Variants in WDFY4 observed in about 807,000 individuals in gnomAD.
WDFY4 encodes WD repeat- and FYVE domain-containing protein 4.
In WDFY4, 169 loss-of-function variants were observed where a neutral mutation model predicts 351.9. The ratio of observed to expected loss-of-function variants is 0.48; its 90% CI spans 0.42 to 0.55. The LOEUF (loss-of-function observed/expected upper bound fraction) is 0.55. Ranked by LOEUF, WDFY4 falls within the 20% of genes least tolerant of loss-of-function variation. WDFY4 has a pLI of 0.00. For missense variants in WDFY4, 3,803 were observed against 3,935.6 expected, an observed-to-expected ratio of 0.97 and a Z score of 0.90; for synonymous variants, 1,622 against 1,574.6, an observed-to-expected ratio of 1.03 and a Z score of -0.71.
At chr10:48,830,629 C>T in intron 37 of WDFY4, 71 bp from the exon 38 acceptor site, 1 of 1,483,750 alleles carries the variant, frequency 6.7e-7, no homozygotes, top group Non-Finnish European at 9.1e-7. Context: ...ACTCATGATG[C>T]ACCATCTCCC....
rs117001447 is a variant in WDFY4 at position 48,707,186 on chromosome 10, T to C, written c.-17-2530T>C. 4.6e-5 allele frequency among the ~76,000 whole-genome samples: 7 copies of C among 152,296 alleles called. No individual in the cohort carries two copies. The East Asian group carries it at 7.7e-4, about 17-fold the overall frequency. ...GTAAAGGGATGCTCATACTCATTAG[T>C]AACTTAGAGAAATGCAAATTAAAAT... On this transcript the variant is annotated intron_variant, in intron 1 of 61. Transcript: ENST00000325239.
chr10:48,755,468 C>G (rs2065309948), intron 12 of WDFY4, among the ~76,000 whole-genome samples: 1 of 152,116 alleles, frequency 6.6e-6, no homozygotes. Context: ...AGATTTTCTC[C>G]TATGTTTTCT....
chr10:48,790,848 A>G lies in WDFY4; in HGVS notation c.4188A>G (p.Lys1396=). 6.4e-7 allele frequency: 1 copy of G among 1,551,758 alleles called. No individual in the cohort carries two copies. The highest frequency in any genetic ancestry group is 1.4e-5 in the African/African-American group (1 of 73,164). Residue 1396 remains lysine, a synonymous_variant, in exon 23 of 62, where the codon AAA becomes AAG. Transcript: ENST00000325239. The stretch of plus-strand genomic sequence containing the variant: ...ACCATACCATGTATGCGGCTGTGAA[A>G]GTTCTGCACTCGGTCCTGACCAGTA... ...TDDHTMYAAV[K]VLHSVLTSNA...
At chr10:48,796,053 G>C (rs1303181902) in intron 23 of WDFY4, among the ~76,000 whole-genome samples, 1 of 152,164 alleles carries the variant, frequency 6.6e-6, no homozygotes, top group Non-Finnish European at 1.5e-5. Context: ...AGGAAACCAG[G>C]AGAGAGTGGC....
chr10:48,885,847 C>T (rs948904667), intron 43 of WDFY4, among the ~76,000 whole-genome samples: 1 of 152,084 alleles, frequency 6.6e-6, no homozygotes, highest in African/African-American at 2.4e-5. Flanking sequence ...TGTCTAAATA[C>T]ATTTAAGATA....
intron 12 of WDFY4, chr10:48,745,643 G>A (rs1589508091): frequency 1.8e-6 from 1 of 563,914 alleles, no homozygotes; most frequent in Non-Finnish European, 3.3e-6. Context: ...TTCTGGTAGT[G>A]GGTCTCGGCC....
intron 39 of WDFY4, among the ~76,000 whole-genome samples, chr10:48,864,337 TA>T (rs950564193): frequency 5.9e-5 from 9 of 152,320 alleles, no homozygotes; most frequent in South Asian, 4.1e-4. Flanking sequence ...TTAAAAAGAC[TA>T]TTCGTTCCCC....
chr10:48,768,735 G>A (rs1395508288), intron 13 of WDFY4, among the ~76,000 whole-genome samples: 3 of 151,720 alleles, frequency 2.0e-5, no homozygotes, highest in African/African-American at 7.3e-5. Flanking sequence ...GAGAGAGAGA[G>A]AGAGAGAGAG....
intron 47 of WDFY4, chr10:48,909,340 C>T (rs562985538): frequency 6.6e-6 from 1 of 152,146 alleles, no homozygotes. Context: ...TACCTATGCA[C>T]CATTGAAAGA....
At chr10:48,818,219 G>T (rs2067689373) in intron 32 of WDFY4, among the ~76,000 whole-genome samples, 1 of 152,210 alleles carries the variant, frequency 6.6e-6, no homozygotes, top group African/African-American at 2.4e-5. Flanking sequence ...CCTGCAAGTT[G>T]CCAACTGTAG....
At chr10:48,830,178 G>A (rs1476158699) in intron 37 of WDFY4, among the ~76,000 whole-genome samples, 2 of 152,192 alleles carry the variant, frequency 1.3e-5, no homozygotes, top group Non-Finnish European at 2.9e-5. Flanking sequence ...AATTCCAGGG[G>A]ACTGAAATGG....
In WDFY4 at chr10:48,795,491, GTATATA is replaced by G. The variant is rs60705301; in HGVS notation, c.4258-780_4258-775del. ...TGGGATTTCATATATGTGTGTGTCT[GTATATA>G]TATATATATATATATATATATATAT... On this transcript the variant is annotated intron_variant, in intron 23 of 61. Transcript: ENST00000325239. Among the ~76,000 whole-genome samples, 164 of 101,162 alleles carry G rather than the reference GTATATA, an allele frequency of 1.6e-3. 1 individual carries two copies. Among genetic ancestry groups the G allele is most frequent in the Middle Eastern group, 9.5e-3 (2 of 210 alleles). 66.4% of individuals were successfully genotyped at this position (101,162 alleles called of 152,430 possible).
chr10:48,931,290 G>A (rs1380391498), intron 47 of WDFY4, among the ~76,000 whole-genome samples: 2 of 152,206 alleles, frequency 1.3e-5, no homozygotes, highest in Non-Finnish European at 2.9e-5. Context: ...GGTTGCCTGA[G>A]GCAGCCAGTG....
chr10:48,686,460 C>T (rs538324549), intron 1 of WDFY4, among the ~76,000 whole-genome samples: 1 of 152,278 alleles, frequency 6.6e-6, no homozygotes, highest in East Asian at 1.9e-4. Context: ...CCTCTTCATG[C>T]CCATCTTTCA....
intron 39 of WDFY4, among the ~76,000 whole-genome samples, chr10:48,857,718 T>C (rs2069185661): frequency 6.6e-6 from 1 of 152,242 alleles, no homozygotes; most frequent in African/African-American, 2.4e-5. Flanking sequence ...CTAAGGTCTT[T>C]ATATCTTCTT....
intron 44 of WDFY4, among the ~76,000 whole-genome samples, chr10:48,897,172 C>T (rs142836404): frequency 6.6e-6 from 1 of 152,352 alleles, no homozygotes; most frequent in East Asian, 1.9e-4. Context: ...CGTCATATTG[C>T]TGTCCCCTGG....
chr10:48,696,717 G>A (rs1213736903), intron 1 of WDFY4, among the ~76,000 whole-genome samples: 3 of 152,272 alleles, frequency 2.0e-5, no homozygotes, highest in Non-Finnish European at 1.5e-5. Flanking sequence ...CAAAGGCCAT[G>A]TGGGCTGAAG....
At chr10:48,778,468 A>G (rs952778487) in intron 17 of WDFY4, 143 bp from the exon 18 acceptor site, 8 of 816,872 alleles carry the variant, frequency 9.8e-6, no homozygotes, top group Admixed American at 2.4e-5. Context: ...GCAGCATGCC[A>G]TAATGGGGAG....
chr10:48,765,910 T>C (rs1589552337), intron 13 of WDFY4, among the ~76,000 whole-genome samples: 1 of 152,192 alleles, frequency 6.6e-6, no homozygotes, highest in African/African-American at 2.4e-5. Flanking sequence ...ACAGAGAAGA[T>C]TGGGTTCAGG....
Sources: gnomAD v4.1 joint callset for allele counts (sites outside exome capture counted in the v4.1 genomes callset) on GRCh38, gnomAD v4.1.1 for gene constraint, MANE v1.5 for transcripts, NCBI Gene and HGNC (gene_info 2026-07-23, HGNC 2026-07-21) for gene names.